PPIL6: variants seen among roughly 807,000 people sequenced by gnomAD.
PPIL6 encodes probable inactive peptidyl-prolyl cis-trans isomerase-like 6.
Under a neutral mutation model 36.8 loss-of-function variants are expected in PPIL6, and 39 were observed. That is an observed-to-expected ratio of 1.06 (90% CI 0.82 to 1.38). The LOEUF (loss-of-function observed/expected upper bound fraction) is 1.38. PPIL6 is among the 40% of genes most tolerant of loss of function. PPIL6 has a pLI of 0.00. For missense variants in PPIL6, 368 were observed against 379.1 expected (o/e 0.97, Z 0.24); for synonymous variants, 123 against 134.1 (o/e 0.92, Z 0.57).
intron 7 of PPIL6, among the ~76,000 whole-genome samples, chr6:109,399,182 A>C (rs1772424252): frequency 6.6e-6 from 1 of 152,108 alleles, no homozygotes. Context: ...ATCTCGGCTC[A>C]CTGCAACCTC....
At chr6:109,439,001 ATC>A (rs1774622162) in intron 1 of PPIL6, among the ~76,000 whole-genome samples, 1 of 152,256 alleles carries the variant, frequency 6.6e-6, no homozygotes, top group Non-Finnish European at 1.5e-5. Context: ...ATTCATTTCC[ATC>A]TCTGTGTCTG....
At chr6:109,400,797 T>A (rs1772496312) in intron 6 of PPIL6, among the ~76,000 whole-genome samples, 1 of 152,198 alleles carries the variant, frequency 6.6e-6, no homozygotes, top group African/African-American at 2.4e-5. Context: ...CCATTCCATG[T>A]AGTTTAAAAA....
intron 7 of PPIL6, among the ~76,000 whole-genome samples, chr6:109,399,203 G>A (rs1026718368): frequency 6.6e-6 from 1 of 151,910 alleles, no homozygotes; most frequent in Non-Finnish European, 1.5e-5. Flanking sequence ...TGCCTCCTGG[G>A]TTCAAGCAAT....
At chr6:109,394,953 T>C (rs1242070949) in intron 7 of PPIL6, among the ~76,000 whole-genome samples, 1 of 152,186 alleles carries the variant, frequency 6.6e-6, no homozygotes, top group African/African-American at 2.4e-5. Context: ...ATGAAACTTG[T>C]CCAACTTGAA....
chr6:109,420,585 A>C (rs1773493862), intron 5 of PPIL6, among the ~76,000 whole-genome samples: 1 of 152,162 alleles, frequency 6.6e-6, no homozygotes, highest in Admixed American at 6.6e-5. Context: ...TCCACAGCTA[A>C]AAGAGGAGCA....
At chr6:109,404,870 AGT>A (rs1252999812) in intron 6 of PPIL6, 1 of 187,890 alleles carries the variant, frequency 5.3e-6, no homozygotes, top group Admixed American at 6.0e-5. Context: ...TGACCACCAC[AGT>A]GAAACCCCGT....
chr6:109,411,935 T>C (rs1773029391), intron 6 of PPIL6, among the ~76,000 whole-genome samples: 1 of 152,154 alleles, frequency 6.6e-6, no homozygotes, highest in African/African-American at 2.4e-5. Context: ...ATCTAATTTC[T>C]GAGGGGAAAA....
intron 5 of PPIL6, among the ~76,000 whole-genome samples, chr6:109,421,579 C>T (rs1378592302): frequency 6.7e-6 from 1 of 148,998 alleles, no homozygotes; most frequent in Non-Finnish European, 1.5e-5. Context: ...TCATTCTGCT[C>T]AATATGATGA....
rs1457964737 is a variant in PPIL6, at chr6:109,413,536, T to C, written c.688+5651A>G. ...GGAATGTAAACTAATGTGCAACCACTATGGAGAACAGTTTGGAGGTTCCTC... is the reference window on the plus strand; with the variant it reads ...GGAATGTAAACTAATGTGCAACCACCATGGAGAACAGTTTGGAGGTTCCTC... On this transcript the variant is annotated intron_variant, in intron 6 of 7. Transcript: ENST00000521072. This position sits in a 1 kb window ranked among gnomAD's most constrained non-coding sequence, Gnocchi z 4.6. Among the ~76,000 whole-genome samples the C allele has an allele frequency of 6.6e-6, 1 of 152,228 alleles. No individual in the cohort carries two copies. Among genetic ancestry groups the C allele is most frequent in the African/African-American group, 2.4e-5 (1 of 41,448 alleles).
chr6:109,421,402 T>C (rs1485135627), intron 5 of PPIL6, among the ~76,000 whole-genome samples: 1 of 152,232 alleles, frequency 6.6e-6, no homozygotes. Context: ...TTTCCAAACC[T>C]GTTTGCTTAT....
At chr6:109,393,156 T>C (rs1048545112) in intron 7 of PPIL6, among the ~76,000 whole-genome samples, 1 of 151,910 alleles carries the variant, frequency 6.6e-6, no homozygotes, top group Non-Finnish European at 1.5e-5. Context: ...CTGCCGCAGC[T>C]CTAAGCTGGC....
chr6:109,437,349 C>T (rs540716244), intron 1 of PPIL6, among the ~76,000 whole-genome samples: 1 of 152,202 alleles, frequency 6.6e-6, no homozygotes, highest in East Asian at 1.9e-4. Context: ...TGGCCTAGCA[C>T]AGGTCATCAG....
chr6:109,430,832 C>G (rs1386843363), intron 3 of PPIL6, among the ~76,000 whole-genome samples: 1 of 152,148 alleles, frequency 6.6e-6, no homozygotes, highest in East Asian at 1.9e-4. Context: ...ATTTCACACT[C>G]AAGATGAATG....
intron 5 of PPIL6, among the ~76,000 whole-genome samples, chr6:109,426,023 C>T (rs1203812252): frequency 1.3e-5 from 2 of 152,118 alleles, no homozygotes; most frequent in South Asian, 2.1e-4. Context: ...AGTGGAAAGA[C>T]ACAAAATGGA....
chr6:109,405,033 G>C, intron 6 of PPIL6: 1 of 386,884 alleles, frequency 2.6e-6, no homozygotes, highest in South Asian at 1.9e-5. Flanking sequence ...CAGCATGGGT[G>C]ACAGAGAGAC....
chr6:109,415,752 G>A (rs954145482), intron 6 of PPIL6, among the ~76,000 whole-genome samples: 1 of 152,090 alleles, frequency 6.6e-6, no homozygotes, highest in Admixed American at 6.6e-5. Context: ...CCATAATGTT[G>A]ACAATCCTTT....
intron 2 of PPIL6, among the ~76,000 whole-genome samples, chr6:109,435,814 A>G (rs962618661): frequency 6.6e-6 from 1 of 152,092 alleles, no homozygotes; most frequent in African/African-American, 2.4e-5. Context: ...AATCCCAGCT[A>G]CTTGCGGGGC....
chr6:109,411,733 G>A (rs568605466), intron 6 of PPIL6, among the ~76,000 whole-genome samples: 11 of 152,314 alleles, frequency 7.2e-5, no homozygotes, highest in Non-Finnish European at 1.2e-4. Flanking sequence ...GCTGGCACAA[G>A]GCTTCCAACC....
chr6:109,427,056 C>T, intron 4 of PPIL6, 38 bp downstream of exon 4: 1 of 1,595,442 alleles, frequency 6.3e-7, no homozygotes, highest in Non-Finnish European at 8.6e-7. Flanking sequence ...AGTTATAGAT[C>T]CTACCCCCAC....
Sources: gnomAD v4.1 joint callset for allele counts (sites outside exome capture counted in the v4.1 genomes callset) on GRCh38, gnomAD v4.1.1 for gene constraint, Gnocchi (gnomAD v3.1) non-coding constraint, MANE v1.5 for transcripts, NCBI Gene and HGNC (gene_info 2026-07-23, HGNC 2026-07-21) for gene names.